The following MGAT4C variants were observed in gnomAD, a reference collection of about 807,000 sequenced individuals.
MGAT4C encodes the protein MGAT4 family member C, also known as alpha-1,3-mannosyl-glycoprotein 4-beta-N-acetylglucosaminyltransferase C.
A neutral mutation model predicts 40.1 loss-of-function variants in MGAT4C; 19 were observed. The ratio of observed to expected loss-of-function variants is 0.47; its 90% CI spans 0.33 to 0.70. The LOEUF (loss-of-function observed/expected upper bound fraction) is 0.70, where lower values mean the gene tolerates loss of function less well. MGAT4C is among the 30% of genes least tolerant of loss of function. The pLI, the probability that MGAT4C is intolerant of heterozygous loss-of-function variation, is 0.02. For missense variants in MGAT4C, 491 were observed against 563.2 expected, an observed-to-expected ratio of 0.87 and a Z score of 1.30; for synonymous variants, 181 against 187.1, an observed-to-expected ratio of 0.97 and a Z score of 0.27.
At chr12:86,293,940 C>T (rs1162412314) in intron 4 of MGAT4C, among the ~76,000 whole-genome samples, 2 of 152,102 alleles carry the variant, frequency 1.3e-5, no homozygotes, top group Admixed American at 6.5e-5. Flanking sequence ...AAACCTCTTT[C>T]CTTTATGAAT....
At chr12:86,344,848 C>G (rs1954993271) in intron 3 of MGAT4C, among the ~76,000 whole-genome samples, 1 of 151,002 alleles carries the variant, frequency 6.6e-6, no homozygotes, top group Non-Finnish European at 1.5e-5. Flanking sequence ...TGCATTAATA[C>G]ATGTGACATA....
intron 2 of MGAT4C, among the ~76,000 whole-genome samples, chr12:86,669,396 G>A (rs1964196260): frequency 6.6e-6 from 1 of 152,162 alleles, no homozygotes; most frequent in Non-Finnish European, 1.5e-5. Context: ...TCAGCAGCCT[G>A]AGTTGCCACC....
intron 1 of MGAT4C, among the ~76,000 whole-genome samples, chr12:86,116,193 G>A (rs1279645240): frequency 6.6e-6 from 1 of 151,936 alleles, no homozygotes; most frequent in Admixed American, 6.6e-5. Flanking sequence ...TTAGAGGAAA[G>A]AGCCAGCATT....
At chr12:86,375,350 A>G (rs1226125316) in intron 3 of MGAT4C, among the ~76,000 whole-genome samples, 1 of 152,140 alleles carries the variant, frequency 6.6e-6, no homozygotes, top group Non-Finnish European at 1.5e-5. Flanking sequence ...ACTGAACTGT[A>G]GGGAAAATCA....
intron 1 of MGAT4C, among the ~76,000 whole-genome samples, chr12:86,836,159 T>G (rs1398981075): frequency 1.3e-5 from 2 of 152,076 alleles, no homozygotes; most frequent in African/African-American, 2.4e-5. Flanking sequence ...CAATCCTATT[T>G]TCTGTCTACT....
At chr12:86,004,434 A>C (rs1021557382) in intron 2 of MGAT4C, among the ~76,000 whole-genome samples, 2 of 152,110 alleles carry the variant, frequency 1.3e-5, no homozygotes, top group African/African-American at 4.8e-5. Context: ...AACTCTCATT[A>C]TATGTTAATT....
chr12:86,207,496 T>G (rs954623274), intron 1 of MGAT4C, among the ~76,000 whole-genome samples: 5 of 151,944 alleles, frequency 3.3e-5, no homozygotes, highest in Admixed American at 3.3e-4. Flanking sequence ...TGTGTCCATG[T>G]GTTCTACACT....
intron 3 of MGAT4C, 68 bp downstream of exon 3, chr12:85,989,332 A>T: frequency 7.1e-7 from 1 of 1,402,846 alleles, no homozygotes; most frequent in Non-Finnish European, 9.5e-7. Flanking sequence ...GTTAGGCTAC[A>T]ATGGGACTAA....
intron 4 of MGAT4C, among the ~76,000 whole-genome samples, chr12:86,309,354 T>C (rs1332061368): frequency 6.6e-6 from 1 of 152,166 alleles, no homozygotes; most frequent in Non-Finnish European, 1.5e-5. Context: ...ATAGACTGGG[T>C]AATGTACTGT....
chr12:86,601,257 G>A (rs1258477202), intron 2 of MGAT4C: 3 of 152,284 alleles, frequency 2.0e-5, no homozygotes, highest in African/African-American at 7.2e-5. Context: ...AGGCCTGGCG[G>A]CGAGACGGCC....
rs1019850674 is a variant in MGAT4C, at chr12:86,097,366, T to C, written c.-56-47643A>G. ...ACTTGTTTGCCAGAAAGGCACCACA[T>C]TGACTTTAGAATAACAATGAAATTG... On this transcript the variant is annotated intron_variant, in intron 1 of 4. Transcript: ENST00000611864. Among the ~76,000 whole-genome samples the C allele has an allele frequency of 5.9e-5, 9 of 151,668 alleles. No homozygotes were observed. In the East Asian group the frequency reaches 1.3e-3, roughly 23 times the overall value.
chr12:86,450,792 T>G (rs1373696515), intron 2 of MGAT4C, among the ~76,000 whole-genome samples: 3 of 152,000 alleles, frequency 2.0e-5, no homozygotes, highest in Non-Finnish European at 4.4e-5. Flanking sequence ...TATGTGACTA[T>G]ACACGTAATA....
intron 1 of MGAT4C, among the ~76,000 whole-genome samples, chr12:86,785,618 C>T (rs1271971540): frequency 6.6e-6 from 1 of 151,572 alleles, no homozygotes; most frequent in African/African-American, 2.4e-5. Context: ...TAACAATAGT[C>T]AATAAAATAC....
intron 4 of MGAT4C, among the ~76,000 whole-genome samples, chr12:86,277,209 T>C (rs1953098694): frequency 6.6e-6 from 1 of 152,226 alleles, no homozygotes; most frequent in Admixed American, 6.5e-5. Flanking sequence ...TGTTTGCTAT[T>C]TGTATGTCTC....
intron 1 of MGAT4C, among the ~76,000 whole-genome samples, chr12:86,780,369 C>T (rs1951817468): frequency 6.6e-6 from 1 of 151,638 alleles, no homozygotes; most frequent in African/African-American, 2.4e-5. Flanking sequence ...TTTGCCTTTG[C>T]GTTCCCATGC....
intron 4 of MGAT4C, among the ~76,000 whole-genome samples, chr12:86,291,979 C>T (rs1953530131): frequency 6.6e-6 from 1 of 152,176 alleles, no homozygotes; most frequent in South Asian, 2.1e-4. Flanking sequence ...ATTTCAGGCC[C>T]CATTTCAATT....
At chr12:86,726,416 C>A (rs573415025) in intron 2 of MGAT4C, among the ~76,000 whole-genome samples, 2 of 152,198 alleles carry the variant, frequency 1.3e-5, no homozygotes, top group South Asian at 4.1e-4. Flanking sequence ...GTTGACAATA[C>A]GATATTACCT....
chr12:86,366,323 A>G (rs1191850703), intron 3 of MGAT4C, among the ~76,000 whole-genome samples: 1 of 152,216 alleles, frequency 6.6e-6, no homozygotes, highest in Non-Finnish European at 1.5e-5. Context: ...TCATATCATC[A>G]TTAAAGAGAG....
intron 2 of MGAT4C, among the ~76,000 whole-genome samples, chr12:86,481,821 T>C (rs182438420): frequency 6.6e-6 from 1 of 152,082 alleles, no homozygotes; most frequent in East Asian, 1.9e-4. Context: ...CTTGCTATGT[T>C]TCACAGGCTG....
Sources: allele counts gnomAD v4.1 joint callset (sites outside exome capture counted in the v4.1 genomes callset), GRCh38; gene constraint gnomAD v4.1.1; transcripts MANE v1.5; gene names NCBI Gene and HGNC (gene_info 2026-07-23, HGNC 2026-07-21).